Variants in DOCK3 observed in about 807,000 individuals in gnomAD.
DOCK3 encodes dedicator of cytokinesis protein 3.
A neutral mutation model predicts 265.6 loss-of-function variants in DOCK3; 60 were observed. That is an observed-to-expected ratio of 0.23 (90% CI 0.18 to 0.28). The LOEUF (loss-of-function observed/expected upper bound fraction) is 0.28, where lower values mean the gene tolerates loss of function less well. Among genes scored for constraint, DOCK3 ranks in the 10% least tolerant of loss-of-function variants. The pLI is 1.00. For synonymous variants in DOCK3, 881 were observed against 938.0 expected (o/e 0.94, Z 1.11); for missense variants, 1,981 against 2,594.3 (o/e 0.76, Z 5.14).
At position 50,919,729 on chromosome 3, in the gene DOCK3, A is replaced by G. The variant is rs542369983; in HGVS notation, c.219-14252A>G. On this transcript the variant is annotated intron_variant, in intron 4 of 52. Coordinates refer to ENST00000266037, the MANE Select transcript of DOCK3 (RefSeq NM_004947.5). ...AATTTGACTTCCTCTTTTCCTAATT[A>G]AATACCCTTTATTTCTTTCTCCTGC... Among the ~76,000 whole-genome samples the G allele has an allele frequency of 1.6e-4, 24 of 152,128 alleles. 1 individual carries two copies. The South Asian group carries it at 4.1e-3, about 26-fold the overall frequency.
chr3:50,745,541 G>A (rs901027804), intron 1 of DOCK3, among the ~76,000 whole-genome samples: 4 of 152,046 alleles, frequency 2.6e-5, no homozygotes, highest in Non-Finnish European at 4.4e-5. Flanking sequence ...TCATGTTGCC[G>A]TAAATGGAAA....
chr3:50,990,725 C>T (rs749175267), intron 5 of DOCK3, among the ~76,000 whole-genome samples: 1 of 152,104 alleles, frequency 6.6e-6, no homozygotes, highest in Non-Finnish European at 1.5e-5. Flanking sequence ...TGGATTCCGA[C>T]GTTCAAGGGC....
chr3:50,973,287 C>A (rs1430681560), intron 5 of DOCK3, among the ~76,000 whole-genome samples: 1 of 140,820 alleles, frequency 7.1e-6, no homozygotes, highest in South Asian at 2.2e-4. Context: ...ATCCCTCCCC[C>A]CTCCCCCCAC....
At chr3:51,175,009 A>T (rs942983636) in intron 12 of DOCK3, among the ~76,000 whole-genome samples, 2 of 152,204 alleles carry the variant, frequency 1.3e-5, no homozygotes, top group Non-Finnish European at 2.9e-5. Context: ...GGCCAGTTAC[A>T]GATGTACAGA....
At chr3:50,809,512 A>G (rs1012452372) in intron 2 of DOCK3, among the ~76,000 whole-genome samples, 19 of 152,362 alleles carry the variant, frequency 1.2e-4, no homozygotes, top group African/African-American at 3.8e-4. Flanking sequence ...CTTTGGCACT[A>G]TATACTATAG....
chr3:51,047,516 G>A (rs4528982), intron 5 of DOCK3, among the ~76,000 whole-genome samples: 136,473 of 151,918 alleles, frequency 0.9, 61,443 homozygotes, highest in East Asian at 0.94. Flanking sequence ...CAACAAACAG[G>A]TAGACTAAGA....
intron 26 of DOCK3, chr3:51,278,353 C>T (rs1441748833): frequency 2.0e-6 from 2 of 985,408 alleles, no homozygotes; most frequent in Non-Finnish European, 2.4e-6. Context: ...GCCCCTCATG[C>T]ACCCCAACTC....
At chr3:51,013,447 C>G (rs1304289358) in intron 5 of DOCK3, among the ~76,000 whole-genome samples, 1 of 152,154 alleles carries the variant, frequency 6.6e-6, no homozygotes, top group Non-Finnish European at 1.5e-5. Flanking sequence ...GAGGTCCACT[C>G]CAGACCCTGT....
At chr3:50,769,538 T>C (rs2609007) in intron 1 of DOCK3, among the ~76,000 whole-genome samples, 14,354 of 152,076 alleles carry the variant, frequency 0.094, 837 homozygotes, top group Non-Finnish European at 0.12. Context: ...TGGTCGAGCA[T>C]GGTGGTTCAC....
rs900604362 is a variant in DOCK3, at chr3:50,886,185, GAGAT to G, written c.163-3839_163-3836del. 2.3e-4 allele frequency among the ~76,000 whole-genome samples: 28 copies of G among 121,034 alleles called. 1 individual carries two copies. Among genetic ancestry groups the G allele is most frequent in the Non-Finnish European group, 4.3e-4 (23 of 53,488 alleles). The allele number at this position is 121,034 out of a possible 152,430, so 79.4% of individuals were successfully genotyped here. On this transcript the variant is annotated intron_variant, in intron 3 of 52. Coordinates refer to ENST00000266037, the MANE Select transcript of DOCK3 (RefSeq NM_004947.5). ...GCCTTTCAGAATATTTTTTATTTTG[GAGAT>G]ATATATATATATATATATATTCCAG...
intron 51 of DOCK3, among the ~76,000 whole-genome samples, chr3:51,376,276 G>T (rs1293477241): frequency 6.6e-6 from 1 of 152,222 alleles, no homozygotes; most frequent in Non-Finnish European, 1.5e-5. Flanking sequence ...GAAGGGGAAA[G>T]ACATGCTATT....
At chr3:51,146,190 A>G (rs2085292938) in intron 9 of DOCK3, among the ~76,000 whole-genome samples, 2 of 152,200 alleles carry the variant, frequency 1.3e-5, no homozygotes, top group African/African-American at 2.4e-5. Flanking sequence ...GCTCACATCA[A>G]AGAATGTATA....
At chr3:50,811,922 C>T (rs2106772239) in intron 2 of DOCK3, among the ~76,000 whole-genome samples, 1 of 152,264 alleles carries the variant, frequency 6.6e-6, no homozygotes, top group Middle Eastern at 3.4e-3. Context: ...AAAGGGATAG[C>T]AAATGCAGAA....
intron 6 of DOCK3, among the ~76,000 whole-genome samples, chr3:51,068,656 T>C (rs886106810): frequency 9.9e-5 from 15 of 151,868 alleles, no homozygotes; most frequent in Non-Finnish European, 2.1e-4. Flanking sequence ...CCCAGCGTTG[T>C]ATGGTGGAAG....
intron 39 of DOCK3, among the ~76,000 whole-genome samples, chr3:51,349,623 CCAAT>C (rs2085840343): frequency 6.6e-6 from 1 of 152,178 alleles, no homozygotes; most frequent in Non-Finnish European, 1.5e-5. Context: ...AGCTATCTTC[CCAAT>C]CAAAGTTGCA....
chr3:51,256,676 C>T (rs1204729739), intron 22 of DOCK3, among the ~76,000 whole-genome samples: 3 of 151,734 alleles, frequency 2.0e-5, no homozygotes, highest in Non-Finnish European at 2.9e-5. Flanking sequence ...TCACTGCAGC[C>T]TCCACCTCCC....
intron 3 of DOCK3, among the ~76,000 whole-genome samples, chr3:50,889,532 G>T (rs61669613): frequency 6.6e-6 from 1 of 151,076 alleles, no homozygotes; most frequent in African/African-American, 2.4e-5. Context: ...CAACAAAGTA[G>T]AAACAGTTTT....
intron 4 of DOCK3, among the ~76,000 whole-genome samples, chr3:50,900,221 AAG>A (rs2049111797): frequency 6.6e-6 from 1 of 151,972 alleles, no homozygotes; most frequent in Admixed American, 6.6e-5. Flanking sequence ...TTATTTCATT[AAG>A]TTGATCTTCA....
chr3:50,962,168 A>G (rs982987706), intron 5 of DOCK3, among the ~76,000 whole-genome samples: 3 of 151,944 alleles, frequency 2.0e-5, no homozygotes, highest in African/African-American at 7.3e-5. Flanking sequence ...AGACCCCACA[A>G]CAGGCCCTGG....
Sources: allele counts gnomAD v4.1 joint callset (sites outside exome capture counted in the v4.1 genomes callset), GRCh38; gene constraint gnomAD v4.1.1; transcripts MANE v1.5; gene names NCBI Gene and HGNC (gene_info 2026-07-23, HGNC 2026-07-21).